Variants in MAN1A2 observed in about 807,000 individuals in gnomAD.
MAN1A2 encodes mannosyl-oligosaccharide 1,2-alpha-mannosidase IB.
In MAN1A2, 26 loss-of-function variants were observed where a neutral mutation model predicts 75.7. The observed-to-expected ratio is 0.34, with a 90% CI of 0.25 to 0.48. The LOEUF is 0.48. Among genes scored for constraint, MAN1A2 ranks in the 20% least tolerant of loss-of-function variants. The probability of loss-of-function intolerance (pLI) is 0.99; values close to 1 mark genes in which losing one functional copy is unlikely to be tolerated. For missense variants in MAN1A2, 562 were observed against 775.5 expected (o/e 0.72, Z 3.27); for synonymous variants, 247 against 264.6 (o/e 0.93, Z 0.65).
chr1:117,445,896 A>ATATATATG (rs1570750529), intron 6 of MAN1A2, among the ~76,000 whole-genome samples: 1 of 144,344 alleles, frequency 6.9e-6, no homozygotes, highest in East Asian at 2.0e-4. Flanking sequence ...ATATATATAT[A>ATATATATG]TATGTATATA....
intron 1 of MAN1A2, among the ~76,000 whole-genome samples, chr1:117,377,625 G>A (rs779599025): frequency 2.6e-4 from 40 of 152,168 alleles, no homozygotes; most frequent in Admixed American, 1.3e-4. Context: ...TCTGTCAGCA[G>A]GGTATTAGTT....
At chr1:117,370,166 G>C (rs1652911870) in intron 1 of MAN1A2, among the ~76,000 whole-genome samples, 1 of 152,132 alleles carries the variant, frequency 6.6e-6, no homozygotes, top group African/African-American at 2.4e-5. Flanking sequence ...TTAAATTTAT[G>C]AAGCCCTTGG....
chr1:117,486,812 A>G (rs1650718600), intron 8 of MAN1A2, among the ~76,000 whole-genome samples: 1 of 151,986 alleles, frequency 6.6e-6, no homozygotes, highest in Non-Finnish European at 1.5e-5. Flanking sequence ...GAAATAGTAG[A>G]AAAGATTTTT....
chr1:117,445,860 ATGTGTGTG>A (rs1557953804), intron 6 of MAN1A2, among the ~76,000 whole-genome samples: 1 of 60,826 alleles, frequency 1.6e-5, no homozygotes, highest in African/African-American at 8.3e-5. Context: ...GTGTGTGTGT[ATGTGTGTG>A]TGTGTCTGTG....
chr1:117,472,734 C>T (rs1570771625), intron 8 of MAN1A2, among the ~76,000 whole-genome samples: 1 of 151,984 alleles, frequency 6.6e-6, no homozygotes, highest in African/African-American at 2.4e-5. Flanking sequence ...TGCCTTAGAG[C>T]AAGCTTGCCC....
intron 8 of MAN1A2, among the ~76,000 whole-genome samples, chr1:117,479,686 T>C (rs1570777806): frequency 6.6e-6 from 1 of 152,142 alleles, no homozygotes; most frequent in East Asian, 1.9e-4. Flanking sequence ...TGCATTTCTC[T>C]AATGATCAGT....
At position 117,493,242 on chromosome 1, in the gene MAN1A2, A is replaced by T; in HGVS notation, c.1264A>T (p.Met422Leu). ...SDKTDHEARK[M>L]YDDAIEAIEK... The stretch of plus-strand genomic sequence containing the variant: ...TAAAACAGACCATGAGGCAAGAAAG[A>T]TGTATGATGATGCTATTGAGGTGAT... Residue 422 changes from methionine (M) to leucine (L), a missense_variant, in exon 9 of 13, where the codon ATG becomes TTG. Met to Leu is a conservative substitution (Grantham distance 15). This residue lies in a region of MAN1A2 where 434 missense variants were observed against 645.7 expected (regional missense o/e 0.67). Transcript: ENST00000356554. The T allele has an allele frequency of 6.2e-7, 1 of 1,605,198 alleles. No homozygotes were observed. Among genetic ancestry groups the T allele is most frequent in the Non-Finnish European group, 8.5e-7 (1 of 1,172,506 alleles).
intron 5 of MAN1A2, among the ~76,000 whole-genome samples, chr1:117,423,451 A>G (rs1291308943): frequency 1.3e-5 from 2 of 152,136 alleles, no homozygotes; most frequent in Non-Finnish European, 2.9e-5. Context: ...ATAAATTTTG[A>G]GTGATTTGAC....
At chr1:117,430,181 C>A (rs1375953439) in intron 5 of MAN1A2, among the ~76,000 whole-genome samples, 1 of 94,826 alleles carries the variant, frequency 1.1e-5, no homozygotes, top group Non-Finnish European at 2.2e-5. Context: ...CCTCACCTCC[C>A]GGACGGGGCG....
chr1:117,516,535 G>A (rs980854754), intron 12 of MAN1A2, among the ~76,000 whole-genome samples: 3 of 152,102 alleles, frequency 2.0e-5, no homozygotes, highest in Non-Finnish European at 2.9e-5. Context: ...TCTCACAATG[G>A]ATGAGTGGAA....
At chr1:117,400,639 C>T (rs1030100360) in intron 1 of MAN1A2, among the ~76,000 whole-genome samples, 5 of 151,966 alleles carry the variant, frequency 3.3e-5, no homozygotes, top group Non-Finnish European at 5.9e-5. Flanking sequence ...TTCTTTCACT[C>T]GGATAAGAAT....
chr1:117,460,193 C>T (rs1327485521), intron 6 of MAN1A2, among the ~76,000 whole-genome samples: 2 of 152,006 alleles, frequency 1.3e-5, no homozygotes, highest in East Asian at 3.9e-4. Flanking sequence ...TTGCATAAAA[C>T]ATTCTGTAGT....
chr1:117,385,836 G>A (rs1262794186), intron 1 of MAN1A2, among the ~76,000 whole-genome samples: 1 of 150,518 alleles, frequency 6.6e-6, no homozygotes, highest in Non-Finnish European at 1.5e-5. Flanking sequence ...GAAGAACTAG[G>A]TTTAGTAAAT....
intron 1 of MAN1A2, among the ~76,000 whole-genome samples, chr1:117,379,704 A>G (rs1391879135): frequency 2.6e-5 from 4 of 152,118 alleles, no homozygotes; most frequent in African/African-American, 4.8e-5. Flanking sequence ...CATGCTCTCC[A>G]TATTTCACAT....
chr1:117,454,329 A>C (rs1649513496), intron 6 of MAN1A2, among the ~76,000 whole-genome samples: 1 of 152,224 alleles, frequency 6.6e-6, no homozygotes, highest in Admixed American at 6.5e-5. Context: ...AAATATAAAG[A>C]AACATGACGT....
At chr1:117,499,878 GA>G (rs1315440244) in intron 11 of MAN1A2, among the ~76,000 whole-genome samples, 10 of 151,272 alleles carry the variant, frequency 6.6e-5, no homozygotes, top group Non-Finnish European at 1.3e-4. Context: ...AGTACCTAGG[GA>G]GGAAAAAACT....
chr1:117,462,777 G>A (rs1649861010), intron 7 of MAN1A2, among the ~76,000 whole-genome samples: 1 of 152,076 alleles, frequency 6.6e-6, no homozygotes, highest in Admixed American at 6.6e-5. Flanking sequence ...TGGGCCCCTT[G>A]ACTCTGATTT....
At position 117,451,731 on chromosome 1, in the gene MAN1A2, A is replaced by G. The variant is rs933708152; in HGVS notation, c.951-8758A>G. 5.3e-5 allele frequency among the ~76,000 whole-genome samples: 8 copies of G among 152,346 alleles called. No homozygotes were observed. In the East Asian group the frequency reaches 1.5e-3, roughly 29 times the overall value. ...TGAGATGTGCCTTTCACCTTCCACC[A>G]TGATTGTGAGGCCTCCCCAGCCACG... On this transcript the variant is annotated intron_variant, in intron 6 of 12. Coordinates refer to ENST00000356554, the MANE Select transcript of MAN1A2 (RefSeq NM_006699.5).
intron 1 of MAN1A2, among the ~76,000 whole-genome samples, chr1:117,396,935 G>T (rs1283886625): frequency 1.4e-5 from 2 of 142,554 alleles, no homozygotes; most frequent in East Asian, 2.0e-4. Flanking sequence ...AATCATAGAG[G>T]TTTTTTTTTT....
Sources: gnomAD v4.1 joint callset for allele counts (sites outside exome capture counted in the v4.1 genomes callset) on GRCh38, gnomAD v4.1.1 for gene constraint, gnomAD v4.1.1 regional missense constraint, MANE v1.5 for transcripts, NCBI Gene and HGNC (gene_info 2026-07-23, HGNC 2026-07-21) for gene names.